The following TNFRSF8 variants were observed in gnomAD, a reference collection of about 807,000 sequenced individuals.
TNFRSF8 encodes tumor necrosis factor receptor superfamily member 8.
In TNFRSF8, 26 loss-of-function variants were observed where a neutral mutation model predicts 70.8. The observed-to-expected ratio is 0.37, with a 90% CI of 0.27 to 0.51. The LOEUF is 0.51. Ranked by LOEUF, TNFRSF8 falls within the 20% of genes least tolerant of loss-of-function variation. The pLI, the probability that TNFRSF8 is intolerant of heterozygous loss-of-function variation, is 0.94. For missense variants in TNFRSF8, 720 were observed against 807.9 expected (o/e 0.89, Z 1.32); for synonymous variants, 356 against 339.2 (o/e 1.05, Z -0.54).
intron 10 of TNFRSF8, among the ~76,000 whole-genome samples, chr1:12,124,155 C>T (rs1472960697): frequency 6.6e-6 from 1 of 152,120 alleles, no homozygotes; most frequent in Non-Finnish European, 1.5e-5. Flanking sequence ...CAGGCGCTTG[C>T]CACCACGCCT....
Position 12,110,011 on chromosome 1 carries a change from T to G in TNFRSF8, c.513-30T>G, listed in dbSNP as rs780280274. The G allele has an allele frequency of 1.8e-4, 292 of 1,607,428 alleles. 3 individuals carry two copies. Among genetic ancestry groups the G allele is most frequent in the Non-Finnish European group, 1.0e-5 (12 of 1,176,934 alleles). On this transcript the variant is annotated intron_variant, in intron 5 of 14. Coordinates refer to ENST00000263932, the MANE Select transcript of TNFRSF8 (RefSeq NM_001243.5). The surrounding 1 kb of genome is among the most constrained non-coding windows in gnomAD (Gnocchi z 4.0). ...GCCTCCCTTGCCCCATTGGCAGAATTATCAGTCCCATCTCTGGCTTCTTCC... is the reference window on the plus strand; with the variant it reads ...GCCTCCCTTGCCCCATTGGCAGAATGATCAGTCCCATCTCTGGCTTCTTCC...
At chr1:12,122,572 G>A (rs1030172780) in intron 8 of TNFRSF8, among the ~76,000 whole-genome samples, 26 of 151,720 alleles carry the variant, frequency 1.7e-4, no homozygotes, top group African/African-American at 6.0e-4. Flanking sequence ...ACTTGAATCC[G>A]GGAGGCAGAA....
At chr1:12,117,946 G>A (rs1015823863) in intron 8 of TNFRSF8, among the ~76,000 whole-genome samples, 1 of 152,062 alleles carries the variant, frequency 6.6e-6, no homozygotes, top group Non-Finnish European at 1.5e-5. Context: ...AGAACAGGCA[G>A]TATTTGTCTT....
rs11569908 is a variant in TNFRSF8, at chr1:12,125,470, C to T, written c.1154-481C>T. Among the ~76,000 whole-genome samples the T allele has an allele frequency of 8.9e-3, 1,353 of 152,254 alleles. 28 individuals carry two copies. The highest frequency in any genetic ancestry group is 0.031 in the African/African-American group (1,296 of 41,542). ...GGTTGGGGATCATTCATTCAGGGAACGCTTGTGGGGTGTGTTTATGTGCAG... is the reference window on the plus strand; with the variant it reads ...GGTTGGGGATCATTCATTCAGGGAATGCTTGTGGGGTGTGTTTATGTGCAG... On this transcript the variant is annotated intron_variant, in intron 10 of 14. Coordinates refer to ENST00000263932, the MANE Select transcript of TNFRSF8 (RefSeq NM_001243.5).
In TNFRSF8 at chr1:12,063,477, G is replaced by A; in HGVS notation, c.-122G>A. ...GACTAGGTGGCCGCGGCGGGAGTGTGCTGGAGCCTGAAGTCCACGCGCGCG... is the reference window on the plus strand; with the variant it reads ...GACTAGGTGGCCGCGGCGGGAGTGTACTGGAGCCTGAAGTCCACGCGCGCG... On this transcript the variant is annotated 5_prime_UTR_variant, in exon 1 of 15. Transcript: ENST00000263932. The surrounding 1 kb of genome is among the most constrained non-coding windows in gnomAD (Gnocchi z 7.2). 1 of 845,310 alleles carries A rather than the reference G, an allele frequency of 1.2e-6. No individual in the cohort carries two copies. Among genetic ancestry groups the A allele is most frequent in the East Asian group, 3.4e-5 (1 of 29,768 alleles). The allele number at this position is 845,310 out of a possible 1,614,324, so 52.4% of individuals were successfully genotyped here.
intron 1 of TNFRSF8, among the ~76,000 whole-genome samples, chr1:12,082,549 C>CAAA (rs34818321): frequency 1.8e-3 from 222 of 121,222 alleles, no homozygotes; most frequent in African/African-American, 5.8e-3. Flanking sequence ...GACCCTGTCT[C>CAAA]AAAAAAAAAA....
rs138595447 is a variant in TNFRSF8 at position 12,123,717 on chromosome 1, C to A, written c.1043C>A (p.Thr348Asn). The A allele has an allele frequency of 6.4e-7, 1 of 1,561,702 alleles. No individual in the cohort carries two copies. Among genetic ancestry groups the A allele is most frequent in the Admixed American group, 1.9e-5 (1 of 52,344 alleles). The change falls in exon 10 of 15, where the codon ACC becomes AAC. Residue 348 changes from threonine to asparagine, a missense_variant and splice_region_variant. Physicochemically the swap from Thr to Asn is moderately conservative, Grantham distance 65. Coordinates refer to ENST00000263932, the MANE Select transcript of TNFRSF8 (RefSeq NM_001243.5). Reference sequence around the variant, plus strand: ...CTGCCTTGGGCTTCTCCCCGCAGCACCAGCCCCACTCAGAGCTTGCTGGTG... The same window carrying A: ...CTGCCTTGGGCTTCTCCCCGCAGCAACAGCCCCACTCAGAGCTTGCTGGTG... The part of the protein sequence containing the change: ...TPENGEAPAS[T>N]SPTQSLLVDS...
chr1:12,132,472 G>A (rs1368789710), intron 12 of TNFRSF8, among the ~76,000 whole-genome samples: 2 of 152,228 alleles, frequency 1.3e-5, no homozygotes, highest in African/African-American at 4.8e-5. Context: ...TCTGTCTGAT[G>A]TCTTCCCCAT....
chr1:12,109,520 T>C lies in TNFRSF8; in HGVS notation c.422-46T>C, dbSNP rs753239669. 5 of 1,528,582 alleles carry C rather than the reference T, an allele frequency of 3.3e-6. No homozygotes were observed. Among genetic ancestry groups the C allele is most frequent in the Non-Finnish European group, 4.5e-6 (5 of 1,106,156 alleles). The allele number at this position is 1,528,582 out of a possible 1,614,324, so 94.7% of individuals were successfully genotyped here. ...GTGAAGGGTGTATTCCGGGAGACTT[T>C]GGGTCCCCAACACTGATTCTGAAGG... On this transcript the variant is annotated intron_variant, in intron 4 of 14. Coordinates refer to ENST00000263932, the MANE Select transcript of TNFRSF8 (RefSeq NM_001243.5). The surrounding 1 kb of genome is among the most constrained non-coding windows in gnomAD (Gnocchi z 4.4).
chr1:12,073,205 G>A (rs1185919495), intron 1 of TNFRSF8, among the ~76,000 whole-genome samples: 1 of 152,182 alleles, frequency 6.6e-6, no homozygotes. Context: ...GCTGTAGTGA[G>A]CCGTGTTCAT....
intron 1 of TNFRSF8, chr1:12,080,546 T>C: frequency 2.4e-6 from 1 of 423,578 alleles, no homozygotes; most frequent in Non-Finnish European, 4.5e-6. Context: ...ATATTTGGGC[T>C]TTTAATACCT....
chr1:12,107,470 C>T (rs555700035), intron 4 of TNFRSF8, among the ~76,000 whole-genome samples: 15 of 152,144 alleles, frequency 9.9e-5, no homozygotes, highest in African/African-American at 3.4e-4. Flanking sequence ...ACAATATGCA[C>T]TGGATTTCGA....
rs1641665053 is a variant in TNFRSF8, at chr1:12,113,325, T to C, written c.793+1311T>C. Among the ~76,000 whole-genome samples, 1 of 152,204 alleles carries C rather than the reference T, an allele frequency of 6.6e-6. No individual in the cohort carries two copies. Among genetic ancestry groups the C allele is most frequent in the African/African-American group, 2.4e-5 (1 of 41,458 alleles). On this transcript the variant is annotated intron_variant, in intron 7 of 14. Transcript: ENST00000263932. The surrounding 1 kb of genome is among the most constrained non-coding windows in gnomAD (Gnocchi z 4.9). ...GGTTAGGTTCTAAAGGCGAAGTCTTTTTCTCTTTTTTTCTTTTTTTGTATT... is the reference window on the plus strand; with the variant it reads ...GGTTAGGTTCTAAAGGCGAAGTCTTCTTCTCTTTTTTTCTTTTTTTGTATT...
intron 2 of TNFRSF8, among the ~76,000 whole-genome samples, chr1:12,095,229 C>G (rs959152243): frequency 6.6e-6 from 1 of 151,838 alleles, no homozygotes; most frequent in African/African-American, 2.4e-5. Context: ...TGCTTTGAAA[C>G]TGTGGAGTTA....
Position 12,063,588 on chromosome 1 carries a change from C to G in TNFRSF8, c.-11C>G. 7.6e-7 allele frequency: 1 copy of G among 1,310,922 alleles called. No homozygotes were observed. The highest frequency in any genetic ancestry group is 2.6e-4 in the Middle Eastern group (1 of 3,804). 81.2% of individuals were successfully genotyped at this position (1,310,922 alleles called of 1,614,324 possible). A position where few individuals can be genotyped will look rare whatever the true frequency, so the allele number is the denominator to read the frequency against. Reference sequence around the variant, plus strand: ...GCCGGCCGCCAGGCCACCTCACGTCCGGCCCCGGGGATGCGCGTCCTCCTC... The same window carrying G: ...GCCGGCCGCCAGGCCACCTCACGTCGGGCCCCGGGGATGCGCGTCCTCCTC... On this transcript the variant is annotated 5_prime_UTR_variant, in exon 1 of 15. Transcript: ENST00000263932. The surrounding 1 kb of genome is among the most constrained non-coding windows in gnomAD (Gnocchi z 7.2).
chr1:12,069,471 C>T (rs138737432), intron 1 of TNFRSF8, among the ~76,000 whole-genome samples: 11 of 152,222 alleles, frequency 7.2e-5, no homozygotes, highest in East Asian at 5.8e-4. Flanking sequence ...TGAGCCACCA[C>T]GCCTGGCCTG....
At chr1:12,072,888 C>A (rs1471358414) in intron 1 of TNFRSF8, among the ~76,000 whole-genome samples, 1 of 152,196 alleles carries the variant, frequency 6.6e-6, no homozygotes, top group Admixed American at 6.5e-5. Flanking sequence ...GTGAGGGAGG[C>A]CAGGACGCAG....
At chr1:12,116,094 G>A (rs1570051949) in intron 8 of TNFRSF8, among the ~76,000 whole-genome samples, 1 of 152,238 alleles carries the variant, frequency 6.6e-6, no homozygotes, top group East Asian at 1.9e-4. Context: ...CAATTCTCCT[G>A]CCTCAGCCTT....
At chr1:12,070,226 C>A (rs1045888456) in intron 1 of TNFRSF8, among the ~76,000 whole-genome samples, 1 of 151,870 alleles carries the variant, frequency 6.6e-6, no homozygotes, top group Non-Finnish European at 1.5e-5. Context: ...GAGGGGTGAG[C>A]AGAGGTGGGA....
Sources: allele counts gnomAD v4.1 joint callset (sites outside exome capture counted in the v4.1 genomes callset), GRCh38; gene constraint gnomAD v4.1.1; non-coding constraint Gnocchi (gnomAD v3.1); transcripts MANE v1.5; gene names NCBI Gene and HGNC (gene_info 2026-07-23, HGNC 2026-07-21).